Variants in VPS13B observed in about 807,000 individuals in gnomAD.
VPS13B encodes the protein intermembrane lipid transfer protein VPS13B.
Under a neutral mutation model 426.4 loss-of-function variants are expected in VPS13B, and 285 were observed. The observed-to-expected ratio is 0.67, with a 90% CI of 0.61 to 0.74. The LOEUF (loss-of-function observed/expected upper bound fraction) is 0.74, where lower values mean the gene tolerates loss of function less well. Among genes scored for constraint, VPS13B ranks in the 30% least tolerant of loss-of-function variants. The pLI, the probability that VPS13B is intolerant of heterozygous loss-of-function variation, is 0.00. For missense variants in VPS13B, 4,537 were observed against 4,782.6 expected (o/e 0.95, Z 1.51); for synonymous variants, 1,676 against 1,676.4 (o/e 1.00, Z 0.01).
intron 33 of VPS13B, among the ~76,000 whole-genome samples, chr8:99,623,912 T>C (rs925297506): frequency 1.3e-4 from 20 of 151,796 alleles, no homozygotes; most frequent in African/African-American, 4.1e-4. Context: ...ATGCACTTGT[T>C]CTTTTGCAAT....
intron 2 of VPS13B, among the ~76,000 whole-genome samples, chr8:99,028,247 C>G (rs974106202): frequency 6.6e-6 from 1 of 151,420 alleles, no homozygotes; most frequent in South Asian, 2.1e-4. Flanking sequence ...CAGACGGGGT[C>G]GTGGCCGGGC....
At chr8:99,049,711 A>G (rs191226934) in intron 3 of VPS13B, among the ~76,000 whole-genome samples, 49 of 152,160 alleles carry the variant, frequency 3.2e-4, no homozygotes. Flanking sequence ...TTGGATGTCT[A>G]GGTTTCTAGC....
At chr8:99,330,672 G>T (rs542467780) in intron 19 of VPS13B, among the ~76,000 whole-genome samples, 33 of 151,858 alleles carry the variant, frequency 2.2e-4, no homozygotes, top group African/African-American at 7.7e-4. Flanking sequence ...TGGAGTGCTG[G>T]GTTGAAAAGT....
intron 17 of VPS13B, among the ~76,000 whole-genome samples, chr8:99,263,700 G>A (rs1327229972): frequency 6.6e-6 from 1 of 151,990 alleles, no homozygotes; most frequent in East Asian, 1.9e-4. Flanking sequence ...TTCTGATTAC[G>A]TTGGGTTCAC....
chr8:99,269,853 T>C (rs1222228299), intron 17 of VPS13B, among the ~76,000 whole-genome samples: 1 of 152,144 alleles, frequency 6.6e-6, no homozygotes, highest in African/African-American at 2.4e-5. Context: ...TTATTTTTAC[T>C]AGCTACTTTT....
In VPS13B at chr8:99,818,703, A is replaced by G. The variant is rs1009617201; in HGVS notation, c.8446-10A>G. 1.9e-6 allele frequency: 3 copies of G among 1,613,336 alleles called. No homozygotes were observed. The highest frequency in any genetic ancestry group is 1.6e-4 in the Middle Eastern group (1 of 6,076). On this transcript the variant is annotated splice_polypyrimidine_tract_variant and intron_variant, in intron 46 of 61. Coordinates refer to ENST00000357162, the MANE Select transcript of VPS13B (RefSeq NM_152564.5). ...AATATGAAAGTTGTTCTATCCTTTTATTTTTATAGATTGTGTTCAGCCCTC... is the reference window on the plus strand; with the variant it reads ...AATATGAAAGTTGTTCTATCCTTTTGTTTTTATAGATTGTGTTCAGCCCTC...
chr8:99,273,813 A>AAATAAAT, intron 17 of VPS13B, among the ~76,000 whole-genome samples: 1 of 152,130 alleles, frequency 6.6e-6, no homozygotes, highest in South Asian at 2.1e-4. Context: ...AAAAAATAAA[A>AAATAAAT]AATAAAGTCT....
At chr8:99,299,054 T>A (rs1267272594) in intron 19 of VPS13B, among the ~76,000 whole-genome samples, 1 of 11,132 alleles carries the variant, frequency 9.0e-5, no homozygotes. Flanking sequence ...TTCCACCACT[T>A]TTTTTTTTTT....
chr8:99,682,384 A>T (rs952099738), intron 35 of VPS13B, among the ~76,000 whole-genome samples: 2 of 152,172 alleles, frequency 1.3e-5, no homozygotes, highest in Non-Finnish European at 2.9e-5. Flanking sequence ...GCTATCTAAA[A>T]ATTAGATTAT....
At chr8:99,542,015 C>G (rs941691154) in intron 30 of VPS13B, among the ~76,000 whole-genome samples, 1 of 152,118 alleles carries the variant, frequency 6.6e-6, no homozygotes, top group African/African-American at 2.4e-5. Flanking sequence ...AATGCCAAAC[C>G]TTGGAACATA....
chr8:99,610,935 A>C (rs1827821938), intron 33 of VPS13B, among the ~76,000 whole-genome samples: 1 of 152,334 alleles, frequency 6.6e-6, no homozygotes, highest in African/African-American at 2.4e-5. Flanking sequence ...AGTCCAAAGC[A>C]AGGCTTAATT....
At chr8:99,840,156 T>G (rs1027471890) in intron 54 of VPS13B, among the ~76,000 whole-genome samples, 5 of 152,266 alleles carry the variant, frequency 3.3e-5, no homozygotes, top group African/African-American at 1.2e-4. Context: ...CCAAATGTGG[T>G]CTAACCAGCT....
intron 43 of VPS13B, among the ~76,000 whole-genome samples, chr8:99,793,422 A>T (rs1372217585): frequency 6.6e-6 from 1 of 151,946 alleles, no homozygotes; most frequent in Admixed American, 6.6e-5. Context: ...ACATTAGGAG[A>T]ACAACAATCA....
rs866661084 is a variant in VPS13B at position 99,469,816 on chromosome 8, T to G, written c.3666+2182T>G. Among the ~76,000 whole-genome samples, 7 of 152,232 alleles carry G rather than the reference T, an allele frequency of 4.6e-5. 1 individual carries two copies. Among genetic ancestry groups the G allele is most frequent in the Non-Finnish European group, 5.9e-5 (4 of 68,010 alleles). On this transcript the variant is annotated intron_variant, in intron 24 of 61. Coordinates refer to ENST00000357162, the MANE Select transcript of VPS13B (RefSeq NM_152564.5). ...GGGTGACCCAATGTGACTGGTATCC[T>G]TATAAAATAGAAAAATTTGGACATA...
intron 33 of VPS13B, among the ~76,000 whole-genome samples, chr8:99,628,340 T>C (rs987292278): frequency 6.6e-6 from 1 of 152,150 alleles, no homozygotes; most frequent in African/African-American, 2.4e-5. Context: ...AGTACATTCA[T>C]GTATTGATGA....
intron 2 of VPS13B, 85 bp downstream of exon 2, chr8:99,014,020 G>T (rs1183824852): frequency 3.8e-6 from 6 of 1,575,752 alleles, no homozygotes; most frequent in Non-Finnish European, 5.2e-6. Flanking sequence ...TTGACTTTAT[G>T]CTGTAAAAAC....
At position 99,708,849 on chromosome 8, in the gene VPS13B, C is replaced by CTCTCTCTCTA. The variant is rs201729748; in HGVS notation, c.6455-8321_6455-8320insCTCTCTCTAT. On this transcript the variant is annotated intron_variant, in intron 36 of 61. Coordinates refer to ENST00000357162, the MANE Select transcript of VPS13B (RefSeq NM_152564.5). ...TCTCTGTCTCTCTCTCTCTCTCTCT[C>CTCTCTCTCTA]TATATATATATATAGGCTCTCTCTT... Among the ~76,000 whole-genome samples, 9 of 147,344 alleles carry CTCTCTCTCTA rather than the reference C, an allele frequency of 6.1e-5. No individual in the cohort carries two copies. In the South Asian group the frequency reaches 8.7e-4, roughly 14 times the overall value.
chr8:99,288,351 G>A (rs1238238477), intron 19 of VPS13B, among the ~76,000 whole-genome samples: 2 of 151,820 alleles, frequency 1.3e-5, no homozygotes, highest in Non-Finnish European at 2.9e-5. Context: ...GATATTTTCT[G>A]CAAACATAAT....
intron 17 of VPS13B, among the ~76,000 whole-genome samples, chr8:99,211,986 G>A (rs1275594768): frequency 5.4e-5 from 8 of 149,532 alleles, no homozygotes; most frequent in Non-Finnish European, 4.5e-5. Flanking sequence ...TCTGCCTCCC[G>A]GGTTCATGCG....
Sources: allele counts gnomAD v4.1 joint callset (sites outside exome capture counted in the v4.1 genomes callset), GRCh38; gene constraint gnomAD v4.1.1; transcripts MANE v1.5; gene names NCBI Gene and HGNC (gene_info 2026-07-23, HGNC 2026-07-21).